OSM: variants seen among roughly 807,000 people sequenced by gnomAD.
OSM encodes oncostatin-M.
In OSM, 1 loss-of-function variant was observed where a neutral mutation model predicts 6.3. The ratio of observed to expected loss-of-function variants is 0.16; its 90% CI spans 0.06 to 0.76. The LOEUF (loss-of-function observed/expected upper bound fraction) is 0.76, where lower values mean the gene tolerates loss of function less well. OSM is among the 30% of genes least tolerant of loss of function. The pLI, the probability that OSM is intolerant of heterozygous loss-of-function variation, is 0.77. For synonymous variants in OSM, 135 were observed against 143.4 expected, an observed-to-expected ratio of 0.94 and a Z score of 0.42; for missense variants, 324 against 336.9, an observed-to-expected ratio of 0.96 and a Z score of 0.30.
rs1203961865 is a variant in OSM, at chr22:30,266,501, T to G, written c.34+265A>C. ...TTGCCCATCCTATTCTCTCACCCCCTGGTTCCCAGAGTTGCCTCTACATCT... is the reference window on the plus strand; with the variant it reads ...TTGCCCATCCTATTCTCTCACCCCCGGGTTCCCAGAGTTGCCTCTACATCT... On this transcript the variant is annotated intron_variant, in intron 1 of 2. Coordinates refer to ENST00000215781, the MANE Select transcript of OSM (RefSeq NM_020530.6). This position sits in a 1 kb window ranked among gnomAD's most constrained non-coding sequence, Gnocchi z 5.0. Among the ~76,000 whole-genome samples, 1 of 152,112 alleles carries G rather than the reference T, an allele frequency of 6.6e-6. No homozygotes were observed. Among genetic ancestry groups the G allele is most frequent in the Non-Finnish European group, 1.5e-5 (1 of 67,998 alleles).
rs1929399506 is a variant in OSM at position 30,266,705 on chromosome 22, C to T, written c.34+61G>A. On this transcript the variant is annotated intron_variant, in intron 1 of 2. Coordinates refer to ENST00000215781, the MANE Select transcript of OSM (RefSeq NM_020530.6). This position sits in a 1 kb window ranked among gnomAD's most constrained non-coding sequence, Gnocchi z 5.0. ...GAGGGCAGAGGGTGCCTCTGCTCCC[C>T]ACCGGCACCCGTGGGCAGACCCAGC... is the stretch of plus-strand genomic sequence containing the variant. 4 of 1,597,594 alleles carry T rather than the reference C, an allele frequency of 2.5e-6. No homozygotes were observed. The African/African-American group carries it at 4.0e-5, about 16-fold the overall frequency.
rs2070889 is a variant in OSM, at chr22:30,263,577, G to A, written c.*306C>T. The A allele has an allele frequency of 0.2, 68,838 of 346,612 alleles. 7,178 individuals are homozygous for A. Among genetic ancestry groups the A allele is most frequent in the Middle Eastern group, 0.26 (357 of 1,358 alleles). The allele number at this position is 346,612 out of a possible 1,614,324, so 21.5% of individuals were successfully genotyped here. On this transcript the variant is annotated 3_prime_UTR_variant, in exon 3 of 3. Transcript: ENST00000215781. Reference sequence around the variant, plus strand: ...GCAAGGCAGGGGGGCAGTCAGCCCGGCCATGAGTCAGCCTGTGTCATCAGA... The same window carrying A: ...GCAAGGCAGGGGGGCAGTCAGCCCGACCATGAGTCAGCCTGTGTCATCAGA...
rs1398423544 is a variant in OSM at position 30,263,730 on chromosome 22, G to A, written c.*153C>T. Reference sequence around the variant, plus strand: ...CTCCCAGCCTGGAGGAGGTAGAGGGGTCTGCCCAGCTCCCACCTCTTAAAG... The same window carrying A: ...CTCCCAGCCTGGAGGAGGTAGAGGGATCTGCCCAGCTCCCACCTCTTAAAG... On this transcript the variant is annotated 3_prime_UTR_variant, in exon 3 of 3. Transcript: ENST00000215781. 5.6e-6 allele frequency: 3 copies of A among 538,592 alleles called. No individual in the cohort carries two copies. The highest frequency in any genetic ancestry group is 1.9e-5 in the African/African-American group (1 of 52,344). The allele number at this position is 538,592 out of a possible 1,614,324, so 33.4% of individuals were successfully genotyped here. A position where few individuals can be genotyped will look rare whatever the true frequency, so the allele number is the denominator to read the frequency against.
Position 30,266,661 on chromosome 22 carries a change from C to T in OSM, c.34+105G>A. 7.6e-7 allele frequency: 1 copy of T among 1,310,340 alleles called. No individual in the cohort carries two copies. The highest frequency in any genetic ancestry group is 1.1e-6 in the Non-Finnish European group (1 of 918,040). The allele number at this position is 1,310,340 out of a possible 1,614,324, so 81.2% of individuals were successfully genotyped here. A position where few individuals can be genotyped will look rare whatever the true frequency, so the allele number is the denominator to read the frequency against. ...TTCTCAGCATCCTTCTGCCTGGCGC[C>T]TGGCCTCCCCAGTTCCCGGAGGGCA... On this transcript the variant is annotated intron_variant, in intron 1 of 2. Coordinates refer to ENST00000215781, the MANE Select transcript of OSM (RefSeq NM_020530.6). The surrounding 1 kb of genome is among the most constrained non-coding windows in gnomAD (Gnocchi z 5.0).
intron 2 of OSM, 86 bp from the exon 3 acceptor site, chr22:30,264,550 A>C (rs2123851259): frequency 9.1e-7 from 1 of 1,102,986 alleles, no homozygotes; most frequent in Non-Finnish European, 1.3e-6. Context: ...GCTAGACCTC[A>C]TGCACCCCAA....
chr22:30,265,356 G>A, intron 1 of OSM: 4 of 985,492 alleles, frequency 4.1e-6, no homozygotes, highest in Non-Finnish European at 4.8e-6. Context: ...ACTGCCCAGG[G>A]CCTGACACAG....
Position 30,263,933 on chromosome 22 carries a change from G to A in OSM, c.709C>T (p.Pro237Ser), listed in dbSNP as rs1303393633. 3 of 1,515,802 alleles carry A rather than the reference G, an allele frequency of 2.0e-6. No homozygotes were observed. The highest frequency in any genetic ancestry group is 2.6e-6 in the Non-Finnish European group (3 of 1,133,614). The allele number at this position is 1,515,802 out of a possible 1,614,324, so 93.9% of individuals were successfully genotyped here. A position where few individuals can be genotyped will look rare whatever the true frequency, so the allele number is the denominator to read the frequency against. Residue 237 changes from proline to serine, a missense_variant, in exon 3 of 3, where the codon CCC becomes TCC. Transcript: ENST00000215781. ...ATGAGTCTCTTGCCTTTCCTGGAGG[G>A]TCTGGTCCTGCGCACCCCCTTCCTC... ...ALRKGVRRTR[P>S]SRKGKRLMTR...
rs199861295 is a variant in OSM at position 30,264,290 on chromosome 22, G to A, written c.352C>T (p.Pro118Ser). 55 of 1,614,014 alleles carry A rather than the reference G, an allele frequency of 3.4e-5. No homozygotes were observed. The highest frequency in any genetic ancestry group is 4.6e-5 in the Non-Finnish European group (54 of 1,180,052). Residue 118 changes from proline (P) to serine (S), a missense_variant, in exon 3 of 3, where the codon CCC (proline) becomes TCC (serine). Physicochemically the swap from Pro to Ser is moderately conservative, Grantham distance 74. Coordinates refer to ENST00000215781, the MANE Select transcript of OSM (RefSeq NM_020530.6). Reference protein sequence around the residue: ...HRLADLEQRLPKAQDLERSGL... With the variant: ...HRLADLEQRLSKAQDLERSGL... ...GACCTCTCCAAATCCTGGGCCTTGG[G>A]GAGGCGCTGCTCTAAGTCGGCCAGT...
chr22:30,264,142 T>G lies in OSM; in HGVS notation c.500A>C (p.Lys167Thr). The change falls in exon 3 of 3, where the codon AAG (lysine) becomes ACG (threonine). Residue 167 changes from lysine (K) to threonine (T), a missense_variant. Coordinates refer to ENST00000215781, the MANE Select transcript of OSM (RefSeq NM_020530.6). ...LDNSDTAEPT[K>T]AGRGASQPPT... ...CGGCTGAGAGGCCCCCCGGCCAGCC[T>G]TCGTGGGCTCAGCCGTGTCTGAGTT... 2.5e-6 allele frequency: 4 copies of G among 1,613,244 alleles called. No individual in the cohort carries two copies. Among genetic ancestry groups the G allele is most frequent in the Middle Eastern group, 1.7e-4 (1 of 6,060 alleles).
At position 30,266,252 on chromosome 22, in the gene OSM, C is replaced by T. The variant is rs1929389822; in HGVS notation, c.34+514G>A. Among the ~76,000 whole-genome samples the T allele has an allele frequency of 6.6e-6, 1 of 152,186 alleles. No individual in the cohort carries two copies. The highest frequency in any genetic ancestry group is 2.4e-5 in the African/African-American group (1 of 41,450). ...GGACTCTGGTCTGCATGTGGGGGTT[C>T]CTGGGCTGGTGAGATCCAGGGCTGT... is the stretch of plus-strand genomic sequence containing the variant. On this transcript the variant is annotated intron_variant, in intron 1 of 2. Transcript: ENST00000215781. The surrounding 1 kb of genome is among the most constrained non-coding windows in gnomAD (Gnocchi z 5.0).
chr22:30,264,043 C>A lies in OSM; in HGVS notation c.599G>T (p.Arg200Leu). ...EGCRFLHGYH[R>L]FMHSVGRVFS... The stretch of plus-strand genomic sequence containing the variant: ...GACCCGCCCCACTGAGTGCATGAAG[C>A]GATGGTAGCCATGCAGGAACCTGCA... The change falls in exon 3 of 3, where the codon CGC (arginine) becomes CTC (leucine). Residue 200 changes from arginine to leucine, a missense_variant. Arg to Leu is a moderately radical substitution (Grantham distance 102). Transcript: ENST00000215781. The A allele has an allele frequency of 6.3e-7, 1 of 1,580,010 alleles. No homozygotes were observed. Among genetic ancestry groups the A allele is most frequent in the Non-Finnish European group, 8.6e-7 (1 of 1,160,448 alleles).
In OSM at chr22:30,266,496, C is replaced by T. The variant is rs1041537884; in HGVS notation, c.34+270G>A. Among the ~76,000 whole-genome samples, 1 of 152,174 alleles carries T rather than the reference C, an allele frequency of 6.6e-6. No individual in the cohort carries two copies. Among genetic ancestry groups the T allele is most frequent in the African/African-American group, 2.4e-5 (1 of 41,432 alleles). On this transcript the variant is annotated intron_variant, in intron 1 of 2. Transcript: ENST00000215781. This position sits in a 1 kb window ranked among gnomAD's most constrained non-coding sequence, Gnocchi z 5.0. ...CCTCTTTGCCCATCCTATTCTCTCACCCCCTGGTTCCCAGAGTTGCCTCTA... is the reference window on the plus strand; with the variant it reads ...CCTCTTTGCCCATCCTATTCTCTCATCCCCTGGTTCCCAGAGTTGCCTCTA...
intron 1 of OSM, 54 bp from the exon 2 acceptor site, chr22:30,265,198 G>T: frequency 6.3e-7 from 1 of 1,575,302 alleles, no homozygotes; most frequent in Non-Finnish European, 8.7e-7. Flanking sequence ...CCACAGATGG[G>T]AGCCTCGGGG....
chr22:30,263,914 C>T lies in OSM; in HGVS notation c.728G>A (p.Arg243Lys). The change falls in exon 3 of 3, where the codon AGA becomes AAA. Residue 243 changes from arginine to lysine, a missense_variant. Transcript: ENST00000215781. The stretch of plus-strand genomic sequence containing the variant: ...GGGCAGCTGTCCCCTGGTCATGAGT[C>T]TCTTGCCTTTCCTGGAGGGTCTGGT... The part of the protein sequence containing the change: ...RRTRPSRKGK[R>K]LMTRGQLPR 6.6e-7 allele frequency: 1 copy of T among 1,508,386 alleles called. No homozygotes were observed. Among genetic ancestry groups the T allele is most frequent in the Non-Finnish European group, 8.8e-7 (1 of 1,130,046 alleles). The allele number at this position is 1,508,386 out of a possible 1,614,324, so 93.4% of individuals were successfully genotyped here.
In OSM at chr22:30,264,238, T is replaced by C. The variant is rs936888179; in HGVS notation, c.404A>G (p.Lys135Arg). ...RSGLNIEDLE[K>R]LQMARPNILG... Reference sequence around the variant, plus strand: ...GATGTTCGGCCTCGCCATCTGCAGCTTCTCCAAGTCCTCGATGTTCAGCCC... The same window carrying C: ...GATGTTCGGCCTCGCCATCTGCAGCCTCTCCAAGTCCTCGATGTTCAGCCC... Residue 135 changes from lysine to arginine, a missense_variant, in exon 3 of 3, where the codon AAG becomes AGG. Lys to Arg is a conservative substitution (Grantham distance 26). Coordinates refer to ENST00000215781, the MANE Select transcript of OSM (RefSeq NM_020530.6). 1.2e-6 allele frequency: 2 copies of C among 1,614,138 alleles called. No homozygotes were observed. The highest frequency in any genetic ancestry group is 1.7e-6 in the Non-Finnish European group (2 of 1,180,030).
chr22:30,265,927 A>G (rs895720752), intron 1 of OSM: 2 of 152,386 alleles, frequency 1.3e-5, no homozygotes, highest in Non-Finnish European at 2.9e-5. Flanking sequence ...CCAACGGGGC[A>G]CCGGCAGCCA....
chr22:30,263,967 G>A lies in OSM; in HGVS notation c.675C>T (p.His225=), dbSNP rs1433454073. ...SPNRSRRHSP[H]QALRKGVRRT... ...TGCGCACCCCCTTCCTCAGGGCCTG[G>A]TGGGGGCTGTGTCTCCGGCTCCGGT... The change falls in exon 3 of 3, where the codon CAC becomes CAT. Residue 225 remains histidine (H), a synonymous_variant. Transcript: ENST00000215781. 16 of 1,540,272 alleles carry A rather than the reference G, an allele frequency of 1.0e-5. No homozygotes were observed. Among genetic ancestry groups the A allele is most frequent in the Non-Finnish European group, 1.4e-5 (16 of 1,143,262 alleles).
In OSM at chr22:30,263,537, G is replaced by A. The variant is rs930268424; in HGVS notation, c.*346C>T. On this transcript the variant is annotated 3_prime_UTR_variant, in exon 3 of 3. Transcript: ENST00000215781. ...CTGCAAGTCATGAGAGGGAAGGACC[G>A]GCAGGCCTCGGGGAGCAAGGCAGGG... 2.5e-5 allele frequency: 7 copies of A among 282,384 alleles called. No individual in the cohort carries two copies. The highest frequency in any genetic ancestry group is 6.5e-5 in the African/African-American group (3 of 45,948). 17.5% of individuals were successfully genotyped at this position (282,384 alleles called of 1,614,324 possible). A position where few individuals can be genotyped will look rare whatever the true frequency, so the allele number is the denominator to read the frequency against.
chr22:30,266,518 T>G lies in OSM; in HGVS notation c.34+248A>C, dbSNP rs1929395803. On this transcript the variant is annotated intron_variant, in intron 1 of 2. Coordinates refer to ENST00000215781, the MANE Select transcript of OSM (RefSeq NM_020530.6). The surrounding 1 kb of genome is among the most constrained non-coding windows in gnomAD (Gnocchi z 5.0). ...TCACCCCCTGGTTCCCAGAGTTGCC[T>G]CTACATCTTGACATCACCTCCCCCT... Among the ~76,000 whole-genome samples, 1 of 152,120 alleles carries G rather than the reference T, an allele frequency of 6.6e-6. No homozygotes were observed. The highest frequency in any genetic ancestry group is 2.1e-4 in the South Asian group (1 of 4,818).
Sources: allele counts gnomAD v4.1 joint callset (sites outside exome capture counted in the v4.1 genomes callset), GRCh38; gene constraint gnomAD v4.1.1; non-coding constraint Gnocchi (gnomAD v3.1); transcripts MANE v1.5; gene names NCBI Gene and HGNC (gene_info 2026-07-23, HGNC 2026-07-21).